Variants in COL28A1 observed in about 807,000 individuals in gnomAD.
COL28A1 encodes the protein collagen alpha-1(XXVIII) chain.
Under a neutral mutation model 150.2 loss-of-function variants are expected in COL28A1, and 161 were observed. The observed-to-expected ratio is 1.07, with a 90% CI of 0.94 to 1.22. The LOEUF is 1.22. Among genes scored for constraint, COL28A1 ranks in the 50% most tolerant of loss-of-function variants. The pLI is 0.00. For missense variants in COL28A1, 1,617 were observed against 1,388.3 expected (o/e 1.16, Z -2.62); for synonymous variants, 552 against 469.7 (o/e 1.18, Z -2.26).
chr7:7,539,956 G>T (rs1415945047), upstream of COL28A1, among the ~76,000 whole-genome samples: 1 of 152,026 alleles, frequency 6.6e-6, no homozygotes, highest in South Asian at 2.1e-4. Flanking sequence ...CTAAATTCCC[G>T]TTATACCAAT....
At chr7:7,397,192 A>C (rs1290694217) in intron 27 of COL28A1, among the ~76,000 whole-genome samples, 1 of 152,124 alleles carries the variant, frequency 6.6e-6, no homozygotes, top group Non-Finnish European at 1.5e-5. Context: ...TAAGAAGAGA[A>C]TCTATTTCCT....
At chr7:7,508,190 C>T (rs1468123108) in intron 9 of COL28A1, among the ~76,000 whole-genome samples, 1 of 151,678 alleles carries the variant, frequency 6.6e-6, no homozygotes, top group Non-Finnish European at 1.5e-5. Context: ...TGAGATCGCG[C>T]CACTGCACTC....
At chr7:7,539,318 G>C (rs1583600476), upstream of COL28A1, among the ~76,000 whole-genome samples, 1 of 152,190 alleles carries the variant, frequency 6.6e-6, no homozygotes, top group Non-Finnish European at 1.5e-5. Flanking sequence ...AGCGTGTGCA[G>C]ATCATATGGT....
intron 15 of COL28A1, among the ~76,000 whole-genome samples, chr7:7,472,606 A>G (rs1307001805): frequency 6.6e-6 from 1 of 152,206 alleles, no homozygotes; most frequent in East Asian, 1.9e-4. Flanking sequence ...GCCAAAAGCC[A>G]TACACAAATT....
chr7:7,387,060 A>ATCACCACC (rs1782228486), intron 27 of COL28A1, among the ~76,000 whole-genome samples: 1 of 152,074 alleles, frequency 6.6e-6, no homozygotes, highest in South Asian at 2.1e-4. Flanking sequence ...AGGTGACCTA[A>ATCACCACC]TCACCACCCC....
chr7:7,496,470 A>G (rs1312903564), intron 11 of COL28A1, among the ~76,000 whole-genome samples: 1 of 152,222 alleles, frequency 6.6e-6, no homozygotes, highest in Non-Finnish European at 1.5e-5. Context: ...TTCAACTAGG[A>G]GCAACTGTAT....
rs539418310 is a variant in COL28A1 at position 7,478,733 on chromosome 7, G to A, written c.1165-1553C>T. 1.2e-4 allele frequency among the ~76,000 whole-genome samples: 18 copies of A among 152,380 alleles called. 2 individuals carry two copies. The highest frequency in any genetic ancestry group is 2.4e-4 in the African/African-American group (10 of 41,600). ...CAAGTGAGAAATCGAGCGCACTGCC[G>A]GTGGGCCAGCACTGCTGGGGGACCC... is the stretch of plus-strand genomic sequence containing the variant. On this transcript the variant is annotated intron_variant, in intron 13 of 34. Transcript: ENST00000399429.
At chr7:7,465,600 A>T (rs954457715) in intron 15 of COL28A1, among the ~76,000 whole-genome samples, 6 of 134,990 alleles carry the variant, frequency 4.4e-5, no homozygotes, top group African/African-American at 1.7e-4. Context: ...GGTGGAGCCC[A>T]CTACAGCTCA....
chr7:7,478,092 AT>A lies in COL28A1; in HGVS notation c.1165-913del, dbSNP rs144573267. On this transcript the variant is annotated intron_variant, in intron 13 of 34. Coordinates refer to ENST00000399429, the MANE Select transcript of COL28A1 (RefSeq NM_001037763.3). ...CTAGACACAGAGTGCCGATTGGTGC[AT>A]TCACAATCCCTTAGCTAGACATAAA... Among the ~76,000 whole-genome samples, 1,092 of 151,732 alleles carry A rather than the reference AT, an allele frequency of 7.2e-3. 13 individuals carry two copies. The highest frequency in any genetic ancestry group is 0.025 in the African/African-American group (1,039 of 41,314).
intron 11 of COL28A1, among the ~76,000 whole-genome samples, chr7:7,491,930 G>C (rs1327545825): frequency 2.0e-5 from 3 of 152,086 alleles, no homozygotes; most frequent in Non-Finnish European, 4.4e-5. Flanking sequence ...TTACCTATCT[G>C]TAACTATTAA....
chr7:7,470,721 A>C (rs1788336156), intron 15 of COL28A1, among the ~76,000 whole-genome samples: 1 of 108,404 alleles, frequency 9.2e-6, no homozygotes, highest in Non-Finnish European at 1.8e-5. Flanking sequence ...CAAATGTCCA[A>C]CAATGATAGA....
In COL28A1 at chr7:7,477,951, TAGACACCAA is replaced by T. The variant is rs1252900025; in HGVS notation, c.1165-780_1165-772del. On this transcript the variant is annotated intron_variant, in intron 13 of 34. Coordinates refer to ENST00000399429, the MANE Select transcript of COL28A1 (RefSeq NM_001037763.3). ...ATTGGTGCGTTTACAATCCCTGAGCTAGACACCAAAGTTCTTCACCTCCCAGCTAGATTA... is the reference window on the plus strand; with the variant it reads ...ATTGGTGCGTTTACAATCCCTGAGCTAGTTCTTCACCTCCCAGCTAGATTA... Among the ~76,000 whole-genome samples the T allele has an allele frequency of 3.3e-5, 5 of 152,298 alleles. No homozygotes were observed. In the East Asian group the frequency reaches 9.6e-4, roughly 29 times the overall value.
chr7:7,497,094 A>AAAGGAAGAAAGG, intron 11 of COL28A1, among the ~76,000 whole-genome samples: 1 of 123,858 alleles, frequency 8.1e-6, no homozygotes, highest in East Asian at 2.4e-4. Flanking sequence ...AGGAAGGAAG[A>AAAGGAAGAAAGG]AAGGAAGGAA....
intron 11 of COL28A1, among the ~76,000 whole-genome samples, chr7:7,503,772 G>A (rs566574259): frequency 1.3e-5 from 2 of 152,310 alleles, no homozygotes; most frequent in Middle Eastern, 3.4e-3. Context: ...TAGTAATAGT[G>A]TCAAAGTAAG....
At position 7,456,860 on chromosome 7, in the gene COL28A1, T is replaced by C. The variant is rs535842092; in HGVS notation, c.1303-748A>G. 1.3e-4 allele frequency among the ~76,000 whole-genome samples: 20 copies of C among 152,142 alleles called. No homozygotes were observed. The South Asian group carries it at 3.7e-3, about 28-fold the overall frequency. On this transcript the variant is annotated intron_variant, in intron 15 of 34. Transcript: ENST00000399429. ...TAACTAGTATGTTGAATAATAAGTG[T>C]GAAGGAGAAAAATTAATCAGGGAAG...
At chr7:7,457,765 A>T (rs1787288716) in intron 15 of COL28A1, among the ~76,000 whole-genome samples, 1 of 152,192 alleles carries the variant, frequency 6.6e-6, no homozygotes, top group Non-Finnish European at 1.5e-5. Context: ...AGAGTGTTTC[A>T]AGAAGGTGAG....
intron 8 of COL28A1, 60 bp downstream of exon 8, chr7:7,515,754 C>T (rs1781380397): frequency 3.6e-6 from 3 of 825,268 alleles, no homozygotes; most frequent in Admixed American, 1.8e-5. Context: ...CCTAAGTACA[C>T]TTATGTTTCT....
chr7:7,444,571 G>C, intron 18 of COL28A1, 82 bp from the exon 19 acceptor site: 2 of 1,375,796 alleles, frequency 1.5e-6, no homozygotes, highest in Non-Finnish European at 2.0e-6. Flanking sequence ...ATCTTACAGT[G>C]TCTGAGAAAA....
upstream of COL28A1, among the ~76,000 whole-genome samples, chr7:7,537,412 T>A (rs1381797830): frequency 6.6e-6 from 1 of 152,210 alleles, no homozygotes; most frequent in Non-Finnish European, 1.5e-5. Flanking sequence ...GAATTGAATT[T>A]TTTTTCTCAT....
Sources: gnomAD v4.1 joint callset for allele counts (sites outside exome capture counted in the v4.1 genomes callset) on GRCh38, gnomAD v4.1.1 for gene constraint, MANE v1.5 for transcripts, NCBI Gene and HGNC (gene_info 2026-07-23, HGNC 2026-07-21) for gene names.